Variants in NBEA observed in about 807,000 individuals in gnomAD.
NBEA encodes the protein lysosomal-trafficking regulator 2.
NBEA carries 44 observed loss-of-function variants against 343.4 expected under a neutral mutation model. That is an observed-to-expected ratio of 0.13 (90% CI 0.10 to 0.16). NBEA has a LOEUF of 0.16. Among genes scored for constraint, NBEA ranks in the 10% least tolerant of loss-of-function variants. The pLI is 1.00. For synonymous variants in NBEA, 1,175 were observed against 1,238.7 expected (o/e 0.95, Z 1.08); for missense variants, 2,555 against 3,631.3 (o/e 0.70, Z 7.62).
Position 35,124,761 on chromosome 13 carries a change from T to TATATATACACACATATATGG in NBEA, c.2336+1215_2336+1234dup, listed in dbSNP as rs1428222329. On this transcript the variant is annotated intron_variant, in intron 17 of 58. Transcript: ENST00000379939. ...GGATATATACACACATATGTATGGA[T>TATATATACACACATATATGG]ATATATACACACATATATGGATATA... Among the ~76,000 whole-genome samples, 5 of 151,130 alleles carry TATATATACACACATATATGG rather than the reference T, an allele frequency of 3.3e-5. No individual in the cohort carries two copies. The East Asian group carries it at 9.8e-4, about 30-fold the overall frequency.
chr13:35,528,212 C>T (rs2078077663), intron 41 of NBEA, among the ~76,000 whole-genome samples: 1 of 151,696 alleles, frequency 6.6e-6, no homozygotes, highest in African/African-American at 2.4e-5. Context: ...GGCCAGGCCA[C>T]TCACATAGAT....
intron 1 of NBEA, among the ~76,000 whole-genome samples, chr13:34,993,937 C>G (rs867023882): frequency 1.3e-5 from 2 of 152,098 alleles, no homozygotes; most frequent in Middle Eastern, 3.4e-3. Context: ...GTGGCTCATG[C>G]CCGTAATCCC....
chr13:35,357,828 G>A (rs2040577263), intron 38 of NBEA, among the ~76,000 whole-genome samples: 1 of 152,018 alleles, frequency 6.6e-6, no homozygotes, highest in Non-Finnish European at 1.5e-5. Flanking sequence ...ATGAAAAATT[G>A]AAATACTGTG....
At chr13:35,368,562 T>G (rs924780394) in intron 38 of NBEA, among the ~76,000 whole-genome samples, 1 of 151,662 alleles carries the variant, frequency 6.6e-6, no homozygotes, top group African/African-American at 2.4e-5. Flanking sequence ...TCAAAAATTA[T>G]TTGTTTTTAT....
At chr13:35,476,681 G>T in intron 41 of NBEA, 1 of 850,350 alleles carries the variant, frequency 1.2e-6, no homozygotes, top group Non-Finnish European at 1.6e-6. Flanking sequence ...AGCTGCTGTT[G>T]GTTTGTCTAA....
At chr13:35,548,603 C>T (rs2079171166) in intron 41 of NBEA, among the ~76,000 whole-genome samples, 1 of 151,930 alleles carries the variant, frequency 6.6e-6, no homozygotes, top group Admixed American at 6.6e-5. Context: ...TTTCAAATGG[C>T]CATAGTATTT....
At position 35,371,663 on chromosome 13, in the gene NBEA, G is replaced by A. The variant is rs374189517; in HGVS notation, c.6179+19340G>A. ...ATAATTTTGTTTCTTTGGAGATGTCGTATTTGCTTGCTTTCTTCATGGTTC... is the reference window on the plus strand; with the variant it reads ...ATAATTTTGTTTCTTTGGAGATGTCATATTTGCTTGCTTTCTTCATGGTTC... On this transcript the variant is annotated intron_variant, in intron 38 of 58. Transcript: ENST00000379939. Among the ~76,000 whole-genome samples, 19 of 152,056 alleles carry A rather than the reference G, an allele frequency of 1.2e-4. No individual in the cohort carries two copies. In the East Asian group the frequency reaches 2.3e-3, roughly 19 times the overall value.
intron 34 of NBEA, among the ~76,000 whole-genome samples, chr13:35,246,747 T>A (rs2031261010): frequency 6.6e-6 from 1 of 152,124 alleles, no homozygotes. Flanking sequence ...ATGCACTAGT[T>A]TTGTACTGGC....
intron 52 of NBEA, among the ~76,000 whole-genome samples, chr13:35,650,332 A>G (rs2084454869): frequency 6.6e-6 from 1 of 152,024 alleles, no homozygotes; most frequent in Admixed American, 6.6e-5. Context: ...ACAAGCACCA[A>G]CTCTATTTTT....
chr13:35,102,898 C>G (rs994029262), intron 11 of NBEA, among the ~76,000 whole-genome samples: 1 of 151,682 alleles, frequency 6.6e-6, no homozygotes, highest in South Asian at 2.1e-4. Context: ...CTAAAAAGTG[C>G]CAGTACAGTG....
At chr13:35,239,634 A>C (rs982863779) in intron 34 of NBEA, among the ~76,000 whole-genome samples, 1 of 152,104 alleles carries the variant, frequency 6.6e-6, no homozygotes, top group African/African-American at 2.4e-5. Flanking sequence ...GGACATTTTC[A>C]TGTAAACTTA....
At chr13:35,007,608 C>T (rs919054752) in intron 1 of NBEA, among the ~76,000 whole-genome samples, 10 of 152,058 alleles carry the variant, frequency 6.6e-5, no homozygotes, top group South Asian at 2.1e-4. Flanking sequence ...CCTCCTGCAG[C>T]GGCCTCCTGA....
intron 23 of NBEA, 80 bp downstream of exon 23, chr13:35,162,047 C>T (rs1347935643): frequency 2.5e-6 from 3 of 1,181,660 alleles, no homozygotes; most frequent in African/African-American, 1.6e-5. Context: ...TTTGACAAAA[C>T]CAAAAATCTG....
chr13:35,615,314 G>C (rs902967089), intron 48 of NBEA, among the ~76,000 whole-genome samples: 7 of 149,280 alleles, frequency 4.7e-5, no homozygotes, highest in Non-Finnish European at 1.0e-4. Flanking sequence ...AAAATTAGCT[G>C]AGGAGTTATT....
intron 38 of NBEA, among the ~76,000 whole-genome samples, chr13:35,413,601 A>G (rs951762755): frequency 3.3e-5 from 5 of 152,144 alleles, no homozygotes; most frequent in African/African-American, 4.8e-5. Context: ...TGAGGAAACT[A>G]TGAGTACCTA....
chr13:35,468,809 A>T (rs1203578408), intron 40 of NBEA, among the ~76,000 whole-genome samples: 1 of 152,036 alleles, frequency 6.6e-6, no homozygotes. Flanking sequence ...AATATAAAAG[A>T]GTTTTGTGGC....
At chr13:35,046,171 C>A (rs2062848065) in intron 4 of NBEA, among the ~76,000 whole-genome samples, 1 of 151,052 alleles carries the variant, frequency 6.6e-6, no homozygotes, top group Non-Finnish European at 1.5e-5. Flanking sequence ...GTTTATCTAT[C>A]CTATCCATTC....
chr13:35,249,151 C>CA (rs1179922550), intron 34 of NBEA, among the ~76,000 whole-genome samples: 7,844 of 49,538 alleles, frequency 0.16, 454 homozygotes, highest in African/African-American at 0.18. Context: ...CTCCATCTTA[C>CA]AAAAAAAAAA....
At chr13:35,584,641 A>G (rs1442566374) in intron 46 of NBEA, among the ~76,000 whole-genome samples, 1 of 151,862 alleles carries the variant, frequency 6.6e-6, no homozygotes, top group Non-Finnish European at 1.5e-5. Flanking sequence ...TTGGGATTAC[A>G]GATGCCCACC....
Sources: gnomAD v4.1 joint callset for allele counts (sites outside exome capture counted in the v4.1 genomes callset) on GRCh38, gnomAD v4.1.1 for gene constraint, MANE v1.5 for transcripts, NCBI Gene and HGNC (gene_info 2026-07-23, HGNC 2026-07-21) for gene names.